FMN1: variants seen among roughly 807,000 people sequenced by gnomAD.
FMN1 encodes formin 1.
Under a neutral mutation model 132.4 loss-of-function variants are expected in FMN1, and 110 were observed. The ratio of observed to expected loss-of-function variants is 0.83; its 90% confidence interval spans 0.71 to 0.97. The LOEUF is 0.97. Among genes scored for constraint, FMN1 ranks in the 50% least tolerant of loss-of-function variants. The probability of loss-of-function intolerance (pLI) is 0.00; values close to 1 mark genes in which losing one functional copy is unlikely to be tolerated. For missense variants in FMN1, 1,792 were observed against 1,705.3 expected, an observed-to-expected ratio of 1.05 and a Z score of -0.90; for synonymous variants, 722 against 651.7, an observed-to-expected ratio of 1.11 and a Z score of -1.64.
chr15:32,988,590 G>A (rs955947487), intron 7 of FMN1, among the ~76,000 whole-genome samples: 1 of 152,178 alleles, frequency 6.6e-6, no homozygotes, highest in South Asian at 2.1e-4. Context: ...TAAATGATGG[G>A]GCAATGGACT....
chr15:33,140,852 T>G (rs921574845), intron 4 of FMN1, among the ~76,000 whole-genome samples: 1 of 152,188 alleles, frequency 6.6e-6, no homozygotes, highest in African/African-American at 2.4e-5. Flanking sequence ...AAAAATATTT[T>G]CCAATCTAAT....
intron 9 of FMN1, among the ~76,000 whole-genome samples, chr15:32,953,114 C>G (rs1252767287): frequency 1.3e-5 from 2 of 152,164 alleles, no homozygotes; most frequent in East Asian, 1.9e-4. Context: ...CTTCAGAGTC[C>G]AATCCCTTTT....
chr15:33,018,153 G>A (rs1442508949), intron 6 of FMN1, among the ~76,000 whole-genome samples: 1 of 152,160 alleles, frequency 6.6e-6, no homozygotes, highest in East Asian at 1.9e-4. Flanking sequence ...GAGGTGATCA[G>A]GTCATGAAGG....
At chr15:32,845,977 C>G (rs1168262741) in intron 17 of FMN1, among the ~76,000 whole-genome samples, 1 of 150,590 alleles carries the variant, frequency 6.6e-6, no homozygotes, top group Non-Finnish European at 1.5e-5. Context: ...AAAAAGGCCC[C>G]AAGAACTTAA....
intron 9 of FMN1, among the ~76,000 whole-genome samples, chr15:32,952,585 T>C (rs2061677938): frequency 1.3e-5 from 2 of 152,156 alleles, no homozygotes; most frequent in African/African-American, 2.4e-5. Context: ...GTTTTGTGCA[T>C]ATTTTAAACT....
chr15:33,118,335 T>C (rs2040007239), intron 4 of FMN1, among the ~76,000 whole-genome samples: 1 of 152,190 alleles, frequency 6.6e-6, no homozygotes. Context: ...GAACAGTTGA[T>C]GATTGTCCAA....
chr15:33,175,031 GAT>G (rs1491354688), intron 3 of FMN1, among the ~76,000 whole-genome samples: 3 of 145,662 alleles, frequency 2.1e-5, no homozygotes, highest in African/African-American at 7.4e-5. Context: ...AGGAGGAAAC[GAT>G]TTTTTTTTTT....
At chr15:32,950,701 GGGA>G (rs1023120011) in intron 9 of FMN1, among the ~76,000 whole-genome samples, 6 of 152,130 alleles carry the variant, frequency 3.9e-5, no homozygotes, top group Middle Eastern at 3.2e-3. Context: ...GGTGGAGGGT[GGGA>G]GGAGGTTGAG....
intron 6 of FMN1, among the ~76,000 whole-genome samples, chr15:33,017,414 TGA>T (rs2035117478): frequency 1.0e-5 from 1 of 96,114 alleles, no homozygotes; most frequent in Non-Finnish European, 2.4e-5. Flanking sequence ...CAGTAGACGG[TGA>T]GAGGGAACTC....
At chr15:33,018,415 G>A (rs935689222) in intron 6 of FMN1, among the ~76,000 whole-genome samples, 11 of 152,132 alleles carry the variant, frequency 7.2e-5, no homozygotes, top group African/African-American at 2.4e-4. Flanking sequence ...GGAGGGCAGA[G>A]GAGCTGAAGG....
chr15:32,775,002 C>T (rs969525459), intron 20 of FMN1, among the ~76,000 whole-genome samples: 4 of 152,082 alleles, frequency 2.6e-5, no homozygotes, highest in African/African-American at 7.2e-5. Flanking sequence ...ATCTGTGACA[C>T]TAGGGAAGCA....
chr15:33,135,865 T>C (rs969800597), intron 4 of FMN1, among the ~76,000 whole-genome samples: 3 of 152,128 alleles, frequency 2.0e-5, no homozygotes, highest in Non-Finnish European at 4.4e-5. Context: ...GTACATAGAG[T>C]ATACAATTGG....
At chr15:32,884,667 G>GA (rs34983757) in intron 16 of FMN1, among the ~76,000 whole-genome samples, 2,891 of 152,282 alleles carry the variant, frequency 0.019, 57 homozygotes, top group East Asian at 0.093. Flanking sequence ...GGACAAAGAG[G>GA]GAGAATGAAA....
chr15:32,785,200 G>GTGTGTA lies in FMN1; in HGVS notation c.4131-8282_4131-8281insTACACA, dbSNP rs1431363268. 5.0e-3 allele frequency among the ~76,000 whole-genome samples: 137 copies of GTGTGTA among 27,248 alleles called. 2 individuals carry two copies. The highest frequency in any genetic ancestry group is 0.017 in the African/African-American group (135 of 7,940). The allele number at this position is 27,248 out of a possible 152,430, so 17.9% of individuals were successfully genotyped here. ...TGTGTGTGTGTGTGTGTGTGTGTGT[G>GTGTGTA]TATATATATATATATATATTTTTTT... On this transcript the variant is annotated intron_variant, in intron 19 of 20. Coordinates refer to ENST00000616417, the MANE Select transcript of FMN1 (RefSeq NM_001277313.2).
At chr15:32,849,948 C>A (rs1216388536) in intron 17 of FMN1, among the ~76,000 whole-genome samples, 2 of 152,204 alleles carry the variant, frequency 1.3e-5, no homozygotes, top group Non-Finnish European at 2.9e-5. Context: ...TAAGCCACTG[C>A]GCCTAGCCAA....
intron 17 of FMN1, among the ~76,000 whole-genome samples, chr15:32,805,223 C>G (rs904476402): frequency 1.1e-4 from 17 of 152,164 alleles, no homozygotes; most frequent in African/African-American, 4.1e-4. Flanking sequence ...GATGGTGTGT[C>G]ATTGTGGTTT....
At chr15:33,056,327 C>G (rs1226839057) in intron 6 of FMN1, among the ~76,000 whole-genome samples, 1 of 152,152 alleles carries the variant, frequency 6.6e-6, no homozygotes, top group Non-Finnish European at 1.5e-5. Context: ...GAGCAAAGGA[C>G]AATTCGAGAA....
chr15:32,954,655 T>C (rs1163502923), intron 9 of FMN1, among the ~76,000 whole-genome samples: 1 of 152,206 alleles, frequency 6.6e-6, no homozygotes, highest in Admixed American at 6.5e-5. Flanking sequence ...CTTGGCCAAG[T>C]GAATTTAAAG....
At chr15:32,790,900 T>C (rs764813215) in intron 19 of FMN1, among the ~76,000 whole-genome samples, 1 of 152,184 alleles carries the variant, frequency 6.6e-6, no homozygotes, top group Non-Finnish European at 1.5e-5. Context: ...ATGAATTAAA[T>C]ACTAAAGGAT....
Sources: allele counts gnomAD v4.1 joint callset (sites outside exome capture counted in the v4.1 genomes callset), GRCh38; gene constraint gnomAD v4.1.1; transcripts MANE v1.5; gene names NCBI Gene and HGNC (gene_info 2026-07-23, HGNC 2026-07-21).